The following SPTBN1 variants were observed in gnomAD, a reference collection of about 807,000 sequenced individuals.
The protein encoded by SPTBN1 is spectrin beta, non-erythrocytic 1, also known as spectrin beta chain, non-erythrocytic 1.
Under a neutral mutation model 266.4 loss-of-function variants are expected in SPTBN1, and 32 were observed. That is an observed-to-expected ratio of 0.12 (90% CI 0.09 to 0.16). The LOEUF (loss-of-function observed/expected upper bound fraction) is 0.16, where lower values mean the gene tolerates loss of function less well. SPTBN1 is among the 10% of genes least tolerant of loss of function. SPTBN1 has a pLI of 1.00. For synonymous variants in SPTBN1, 1,336 were observed against 1,162.2 expected (o/e 1.15, Z -3.04); for missense variants, 2,296 against 3,067.1 (o/e 0.75, Z 5.94).
rs1457170330 is a variant in SPTBN1 at position 54,533,678 on chromosome 2, G to A, written c.148+7112G>A. Among the ~76,000 whole-genome samples, 7 of 152,028 alleles carry A rather than the reference G, an allele frequency of 4.6e-5. No individual in the cohort carries two copies. Among genetic ancestry groups the A allele is most frequent in the African/African-American group, 1.5e-4 (6 of 41,368 alleles). ...TGATTCTCCTGCCTCAGCTTCCCGAGTAGCTGGGACTACAGGCACCCGCCA... is the reference window on the plus strand; with the variant it reads ...TGATTCTCCTGCCTCAGCTTCCCGAATAGCTGGGACTACAGGCACCCGCCA... On this transcript the variant is annotated intron_variant, in intron 2 of 35. Coordinates refer to ENST00000356805, the MANE Select transcript of SPTBN1 (RefSeq NM_003128.3). The surrounding 1 kb of genome is among the most constrained non-coding windows in gnomAD (Gnocchi z 4.2).
At chr2:54,604,908 C>A (rs184877056) in intron 3 of SPTBN1, among the ~76,000 whole-genome samples, 1 of 152,164 alleles carries the variant, frequency 6.6e-6, no homozygotes, top group South Asian at 2.1e-4. Context: ...TGCAGAGCCC[C>A]GATAGTCACA....
At chr2:54,495,326 C>T (rs1190029489) in intron 1 of SPTBN1, among the ~76,000 whole-genome samples, 1 of 152,162 alleles carries the variant, frequency 6.6e-6, no homozygotes, top group Non-Finnish European at 1.5e-5. Context: ...GCAGGAATCC[C>T]AGGTTCAGAG....
intron 2 of SPTBN1, among the ~76,000 whole-genome samples, chr2:54,597,449 T>C (rs1272737605): frequency 2.6e-5 from 4 of 152,206 alleles, no homozygotes; most frequent in Non-Finnish European, 4.4e-5. Context: ...TCTAATCCTG[T>C]CCTTTTTGAT....
chr2:54,504,675 G>A (rs1474015703), intron 1 of SPTBN1, among the ~76,000 whole-genome samples: 5 of 152,098 alleles, frequency 3.3e-5, no homozygotes, highest in African/African-American at 2.4e-5. Flanking sequence ...GGACCTGAGC[G>A]TCCATGGATT....
chr2:54,529,593 C>G, intron 2 of SPTBN1: 1 of 721,810 alleles, frequency 1.4e-6, no homozygotes. Context: ...CCTCTGACCA[C>G]TGAGTTTGCC....
At chr2:54,584,724 A>AAATGCCCC (rs912753382) in intron 2 of SPTBN1, among the ~76,000 whole-genome samples, 2 of 152,196 alleles carry the variant, frequency 1.3e-5, no homozygotes, top group African/African-American at 2.4e-5. Flanking sequence ...TTAAACAATA[A>AAATGCCCC]AATGCCCCTG....
chr2:54,600,507 G>A (rs1195162431), intron 3 of SPTBN1, among the ~76,000 whole-genome samples: 1 of 152,152 alleles, frequency 6.6e-6, no homozygotes, highest in African/African-American at 2.4e-5. Context: ...GTGGTCTGGG[G>A]GTGAGGGAGT....
chr2:54,625,084 CA>C lies in SPTBN1; in HGVS notation c.1341+123del, dbSNP rs1319677217. ...GACATTCATTATTCTGGAGGAACGT[CA>C]GGTCACCTTGGCCCCTTCCCATTAA... On this transcript the variant is annotated intron_variant, in intron 11 of 35. Transcript: ENST00000356805. 9 of 1,225,512 alleles carry C rather than the reference CA, an allele frequency of 7.3e-6. No homozygotes were observed. The Admixed American group carries it at 2.6e-4, about 35-fold the overall frequency. 75.9% of individuals were successfully genotyped at this position (1,225,512 alleles called of 1,614,324 possible). A position where few individuals can be genotyped will look rare whatever the true frequency, so the allele number is the denominator to read the frequency against.
chr2:54,612,218 C>A lies in SPTBN1; in HGVS notation c.358C>A (p.Leu120Ile). 6.2e-7 allele frequency: 1 copy of A among 1,613,946 alleles called. No homozygotes were observed. Among genetic ancestry groups the A allele is most frequent in the Non-Finnish European group, 8.5e-7 (1 of 1,179,896 alleles). The change falls in exon 4 of 36, where the codon CTT becomes ATT. Residue 120 changes from leucine to isoleucine, a missense_variant. By Grantham distance (5) the Leu-to-Ile change is conservative (BLOSUM62 2). Around this residue, in one of 12 missense-constraint regions of SPTBN1, gnomAD observed 178 missense variants for 375.7 expected, o/e 0.47. Coordinates refer to ENST00000356805, the MANE Select transcript of SPTBN1 (RefSeq NM_003128.3). ...CTGCTTAGAGAATGTGGACAAGGCC[C>A]TTCAGTTCCTGAAGGAGCAGAGAGT... is the stretch of plus-strand genomic sequence containing the variant. Reference protein sequence around the residue: ...IHCLENVDKALQFLKEQRVHL... With the variant: ...IHCLENVDKAIQFLKEQRVHL...
chr2:54,629,218 A>G lies in SPTBN1; in HGVS notation c.2084A>G (p.Glu695Gly), dbSNP rs1307192260. The G allele has an allele frequency of 6.2e-7, 1 of 1,613,762 alleles. No homozygotes were observed. The highest frequency in any genetic ancestry group is 1.7e-5 in the Admixed American group (1 of 60,032). Reference sequence around the variant, plus strand: ...ATGAGCGGCCGCAGTGGCCACTTTGAGCAGGCCATCAAGGAAGGCGAAGAC... The same window carrying G: ...ATGAGCGGCCGCAGTGGCCACTTTGGGCAGGCCATCAAGGAAGGCGAAGAC... ...DEMSGRSGHF[E>G]QAIKEGEDMI... Residue 695 changes from glutamate to glycine, a missense_variant, in exon 14 of 36, where the codon GAG becomes GGG. This residue lies in a region of SPTBN1 where 434 missense variants were observed against 573.9 expected (regional missense o/e 0.76). Transcript: ENST00000356805.
At chr2:54,625,429 A>T (rs995593178) in intron 11 of SPTBN1, among the ~76,000 whole-genome samples, 4 of 151,950 alleles carry the variant, frequency 2.6e-5, no homozygotes, top group Non-Finnish European at 5.9e-5. Context: ...GTTTGCTTTG[A>T]GGAGGGCATC....
intron 1 of SPTBN1, 57 bp from the exon 2 acceptor site, chr2:54,526,315 C>T: frequency 7.1e-7 from 1 of 1,406,190 alleles, no homozygotes; most frequent in South Asian, 1.4e-5. Flanking sequence ...CCAGTTGGTT[C>T]CGTGGGGACT....
intron 1 of SPTBN1, among the ~76,000 whole-genome samples, chr2:54,457,654 C>T (rs1304349818): frequency 6.6e-6 from 1 of 152,338 alleles, no homozygotes; most frequent in East Asian, 1.9e-4. Flanking sequence ...TTGGTTCTCG[C>T]TGGCGGGGCT....
Position 54,629,423 on chromosome 2 carries a change from C to T in SPTBN1, c.2289C>T (p.Ile763=). 2 of 1,614,176 alleles carry T rather than the reference C, an allele frequency of 1.2e-6. No homozygotes were observed. Among genetic ancestry groups the T allele is most frequent in the South Asian group, 2.2e-5 (2 of 91,086 alleles). ...ADDIDAWMLD[I]LKIVSSSDVG... ...ACATTGATGCCTGGATGCTGGACATCCTCAAGATTGTCTCCAGCAGCGACG... is the reference window on the plus strand; with the variant it reads ...ACATTGATGCCTGGATGCTGGACATTCTCAAGATTGTCTCCAGCAGCGACG... Residue 763 remains isoleucine, a synonymous_variant, in exon 14 of 36, where the codon ATC becomes ATT. Transcript: ENST00000356805.
In SPTBN1 at chr2:54,653,544, G is replaced by C. The variant is rs974571465; in HGVS notation, c.5578-65G>C. 1.3e-5 allele frequency: 20 copies of C among 1,589,740 alleles called. 1 individual carries two copies. Among genetic ancestry groups the C allele is most frequent in the Middle Eastern group, 1.9e-4 (1 of 5,370 alleles). On this transcript the variant is annotated intron_variant, in intron 26 of 35. Transcript: ENST00000356805. The surrounding 1 kb of genome is among the most constrained non-coding windows in gnomAD (Gnocchi z 5.1). ...TAGTGTATGAGCAGAACAGAATAGGGCTTGGGGTGATGGTGGGAAGGCCGC... is the reference window on the plus strand; with the variant it reads ...TAGTGTATGAGCAGAACAGAATAGGCCTTGGGGTGATGGTGGGAAGGCCGC...
Position 54,646,272 on chromosome 2 carries a change from A to C in SPTBN1, c.4663A>C (p.Ser1555Arg). 1.2e-6 allele frequency: 2 copies of C among 1,614,222 alleles called. No individual in the cohort carries two copies. The highest frequency in any genetic ancestry group is 8.5e-7 in the Non-Finnish European group (1 of 1,180,030). The change falls in exon 23 of 36, where the codon AGC becomes CGC. Residue 1555 changes from serine to arginine, a missense_variant. This residue lies in a region of SPTBN1 where 644 missense variants were observed against 745.3 expected (regional missense o/e 0.86). Transcript: ENST00000356805. The surrounding 1 kb of genome is among the most constrained non-coding windows in gnomAD (Gnocchi z 4.4). ...GAGGAGCCAAAACATCGTCACTGACAGCAGCAGCCTCAGCGCTGAGGCCAT... is the reference window on the plus strand; with the variant it reads ...GAGGAGCCAAAACATCGTCACTGACCGCAGCAGCCTCAGCGCTGAGGCCAT... ...FERSQNIVTD[S>R]SSLSAEAIRQ...
At chr2:54,495,843 T>C (rs982359265) in intron 1 of SPTBN1, among the ~76,000 whole-genome samples, 2 of 152,178 alleles carry the variant, frequency 1.3e-5, no homozygotes, top group Non-Finnish European at 2.9e-5. Context: ...TTAAAAATTC[T>C]GGGAAAACCA....
intron 1 of SPTBN1, among the ~76,000 whole-genome samples, chr2:54,514,124 G>C (rs1318216898): frequency 6.6e-6 from 1 of 152,172 alleles, no homozygotes; most frequent in Non-Finnish European, 1.5e-5. Flanking sequence ...TAATATCACT[G>C]TTCCTTGTGC....
chr2:54,554,980 T>G lies in SPTBN1; in HGVS notation c.148+28414T>G, dbSNP rs1313715793. Among the ~76,000 whole-genome samples, 1 of 152,242 alleles carries G rather than the reference T, an allele frequency of 6.6e-6. No individual in the cohort carries two copies. Among genetic ancestry groups the G allele is most frequent in the Non-Finnish European group, 1.5e-5 (1 of 68,042 alleles). ...CCCTGTAACCCAGCTTTTGCTTTTA[T>G]TAACCCAGTTGACCTGCTAATTGGC... On this transcript the variant is annotated intron_variant, in intron 2 of 35. Transcript: ENST00000356805. This position sits in a 1 kb window ranked among gnomAD's most constrained non-coding sequence, Gnocchi z 4.5.
Sources: gnomAD v4.1 joint callset for allele counts (sites outside exome capture counted in the v4.1 genomes callset) on GRCh38, gnomAD v4.1.1 for gene constraint, gnomAD v4.1.1 regional missense constraint, Gnocchi (gnomAD v3.1) non-coding constraint, MANE v1.5 for transcripts, NCBI Gene and HGNC (gene_info 2026-07-23, HGNC 2026-07-21) for gene names.